The following NCKAP1 variants were observed in gnomAD, a reference collection of about 807,000 sequenced individuals.
NCKAP1 encodes the protein nck-associated protein 1.
Under a neutral mutation model 151.2 loss-of-function variants are expected in NCKAP1, and 21 were observed. The ratio of observed to expected loss-of-function variants is 0.14; its 90% CI spans 0.10 to 0.20. The LOEUF is 0.20. NCKAP1 is among the 10% of genes least tolerant of loss of function. The probability of loss-of-function intolerance (pLI) is 1.00; values close to 1 mark genes in which losing one functional copy is unlikely to be tolerated. For synonymous variants in NCKAP1, 484 were observed against 451.8 expected, an observed-to-expected ratio of 1.07 and a Z score of -0.90; for missense variants, 933 against 1,352.1, an observed-to-expected ratio of 0.69 and a Z score of 4.86.
chr2:183,032,265 C>T (rs1377518056), intron 1 of NCKAP1, among the ~76,000 whole-genome samples: 1 of 152,148 alleles, frequency 6.6e-6, no homozygotes, highest in African/African-American at 2.4e-5. Context: ...TCTCTCAACT[C>T]ACAGAATATT....
At chr2:182,993,652 C>T (rs971681244) in intron 8 of NCKAP1, among the ~76,000 whole-genome samples, 23 of 151,916 alleles carry the variant, frequency 1.5e-4, no homozygotes, top group Non-Finnish European at 2.6e-4. Context: ...CATGTTCTTA[C>T]TTATAAGGGG....
At chr2:182,928,004 G>C in intron 29 of NCKAP1, 113 bp downstream of exon 29, 1 of 661,408 alleles carries the variant, frequency 1.5e-6, no homozygotes, top group Admixed American at 3.3e-5. Flanking sequence ...AATGCCATTA[G>C]AGGACACTAA....
At chr2:182,952,053 C>A (rs148860434) in intron 23 of NCKAP1, among the ~76,000 whole-genome samples, 1 of 152,044 alleles carries the variant, frequency 6.6e-6, no homozygotes, top group Non-Finnish European at 1.5e-5. Context: ...ACATTCAAAC[C>A]GCAAGTGTGA....
chr2:182,964,712 A>G lies in NCKAP1; in HGVS notation c.1725T>C (p.His575=). 1 of 1,605,166 alleles carries G rather than the reference A, an allele frequency of 6.2e-7. No homozygotes were observed. The highest frequency in any genetic ancestry group is 1.1e-5 in the South Asian group (1 of 89,716). Reference sequence around the variant, plus strand: ...ATAGTTCATGCGTGCAACTCATAAAATGAGTGCAAAGTAGTGGAAATGCAA... The same window carrying G: ...ATAGTTCATGCGTGCAACTCATAAAGTGAGTGCAAAGTAGTGGAAATGCAA... ...YSIAFPLLCT[H]FMSCTHELCP... Residue 575 remains histidine (H), a synonymous_variant, in exon 17 of 31, where the codon CAT becomes CAC. Transcript: ENST00000361354.
At chr2:183,008,505 C>A (rs983207765) in intron 2 of NCKAP1, among the ~76,000 whole-genome samples, 1 of 149,322 alleles carries the variant, frequency 6.7e-6, no homozygotes, top group Non-Finnish European at 1.5e-5. Context: ...TCATGCTCCT[C>A]CACCCTCACT....
At chr2:182,995,609 C>T (rs1698253061) in intron 7 of NCKAP1, 92 bp downstream of exon 7, 4 of 1,207,274 alleles carry the variant, frequency 3.3e-6, no homozygotes, top group Non-Finnish European at 4.7e-6. Context: ...TAAGCTAATG[C>T]TAATTAGAAA....
chr2:182,934,883 C>T, intron 25 of NCKAP1, 51 bp from the exon 26 acceptor site: 1 of 844,100 alleles, frequency 1.2e-6, no homozygotes, highest in Admixed American at 2.9e-5. Context: ...ATGGCAACCC[C>T]TAAATTTACA....
chr2:182,980,939 A>G (rs1697925060), intron 13 of NCKAP1, among the ~76,000 whole-genome samples: 1 of 152,076 alleles, frequency 6.6e-6, no homozygotes. Context: ...CACCTGATTT[A>G]TGATTAACCT....
At chr2:182,997,787 T>C (rs1383672866) in intron 6 of NCKAP1, among the ~76,000 whole-genome samples, 4 of 152,104 alleles carry the variant, frequency 2.6e-5, no homozygotes, top group African/African-American at 9.7e-5. Flanking sequence ...TTGAAACTAT[T>C]TCAAAAAGTT....
chr2:183,009,475 G>GAAGCAAGCAAGC lies in NCKAP1; in HGVS notation c.220-6162_220-6151dup, dbSNP rs1199446455. On this transcript the variant is annotated intron_variant, in intron 2 of 30. Coordinates refer to ENST00000361354, the MANE Select transcript of NCKAP1 (RefSeq NM_013436.5). The stretch of plus-strand genomic sequence containing the variant: ...GGAAGGAAGGAAGGAAGGAAGGAAG[G>GAAGCAAGCAAGC]AAGCAAGCAAGCAAGCAGGCAAGCA... Among the ~76,000 whole-genome samples the GAAGCAAGCAAGC allele has an allele frequency of 2.4e-3, 242 of 100,268 alleles. 4 individuals carry two copies. Among genetic ancestry groups the GAAGCAAGCAAGC allele is most frequent in the African/African-American group, 6.9e-3 (169 of 24,444 alleles). 65.8% of individuals were successfully genotyped at this position (100,268 alleles called of 152,430 possible). A position where few individuals can be genotyped will look rare whatever the true frequency, so the allele number is the denominator to read the frequency against.
Position 182,910,582 on chromosome 2 carries a change from T to G in NCKAP1, c.*15120A>C, listed in dbSNP as rs568077431. On this transcript the variant is annotated 3_prime_UTR_variant, in exon 31 of 31. Transcript: ENST00000361354. ...GACCATTCAGGATTCAGAACCTAGATAGATGATGCTGTGAGGGCTGCGGCT... is the reference window on the plus strand; with the variant it reads ...GACCATTCAGGATTCAGAACCTAGAGAGATGATGCTGTGAGGGCTGCGGCT... 6 of 152,218 alleles carry G rather than the reference T, an allele frequency of 3.9e-5. No individual in the cohort carries two copies. Among genetic ancestry groups the G allele is most frequent in the African/African-American group, 1.4e-4 (6 of 41,438 alleles). The allele number at this position is 152,218 out of a possible 1,614,324, so 9.4% of individuals were successfully genotyped here.
chr2:182,947,027 C>T (rs969070674), intron 23 of NCKAP1: 2 of 152,286 alleles, frequency 1.3e-5, no homozygotes, highest in African/African-American at 4.8e-5. Context: ...AACCTCCTAC[C>T]TCCACCCTGC....
rs981090122 is a variant in NCKAP1, at chr2:183,003,219, A to G, written c.312+14T>C. 1 of 1,413,886 alleles carries G rather than the reference A, an allele frequency of 7.1e-7. No individual in the cohort carries two copies. The highest frequency in any genetic ancestry group is 9.8e-7 in the Non-Finnish European group (1 of 1,025,302). The allele number at this position is 1,413,886 out of a possible 1,614,324, so 87.6% of individuals were successfully genotyped here. On this transcript the variant is annotated intron_variant, in intron 3 of 30. Transcript: ENST00000361354. ...ACTTCTGAAGTGTTAAATATTATAT[A>G]TTAAAATACATACCTTAAATTCCAT...
intron 6 of NCKAP1, among the ~76,000 whole-genome samples, chr2:182,999,859 G>A (rs1480610859): frequency 6.6e-6 from 1 of 152,140 alleles, no homozygotes; most frequent in East Asian, 1.9e-4. Context: ...GCAGCAACAT[G>A]GATGGAACTG....
intron 18 of NCKAP1, 150 bp from the exon 19 acceptor site, chr2:182,957,746 C>A: frequency 2.4e-6 from 2 of 839,440 alleles, no homozygotes. Context: ...ACAGAGCTTA[C>A]TTAGCTAGCT....
At chr2:182,935,546 C>A (rs562117247) in intron 24 of NCKAP1, 171 bp from the exon 25 acceptor site, 3 of 478,802 alleles carry the variant, frequency 6.3e-6, no homozygotes, top group East Asian at 7.1e-5. Flanking sequence ...ATGTTGATAG[C>A]TGATATTTAA....
At chr2:182,976,985 G>T in intron 14 of NCKAP1, 34 bp from the exon 15 acceptor site, 1 of 1,349,140 alleles carries the variant, frequency 7.4e-7, no homozygotes, top group South Asian at 1.4e-5. Flanking sequence ...AGATTACAAA[G>T]CAAATTAATG....
chr2:182,947,887 G>A (rs1398757616), intron 23 of NCKAP1, among the ~76,000 whole-genome samples: 1 of 151,898 alleles, frequency 6.6e-6, no homozygotes, highest in African/African-American at 2.4e-5. Flanking sequence ...TAAAATATAA[G>A]AATACGTATG....
chr2:183,031,987 A>C lies in NCKAP1; in HGVS notation c.108+6005T>G, dbSNP rs78463650. Among the ~76,000 whole-genome samples, 575 of 152,332 alleles carry C rather than the reference A, an allele frequency of 3.8e-3. 1 individual carries two copies. Among genetic ancestry groups the C allele is most frequent in the Non-Finnish European group, 6.5e-3 (443 of 68,020 alleles). ...CACCACAGTTAATAATTAGCAGGAA[A>C]AGAAATTACAGGTATTTAAGAATTT... On this transcript the variant is annotated intron_variant, in intron 1 of 30. Transcript: ENST00000361354.
Sources: gnomAD v4.1 joint callset for allele counts (sites outside exome capture counted in the v4.1 genomes callset) on GRCh38, gnomAD v4.1.1 for gene constraint, MANE v1.5 for transcripts, NCBI Gene and HGNC (gene_info 2026-07-23, HGNC 2026-07-21) for gene names.